TCF7L2: variants seen among roughly 807,000 people sequenced by gnomAD.
The protein encoded by TCF7L2 is transcription factor 7-like 2.
A neutral mutation model predicts 77.9 loss-of-function variants in TCF7L2; 23 were observed. The ratio of observed to expected loss-of-function variants is 0.30; its 90% CI spans 0.21 to 0.42. TCF7L2 has a LOEUF of 0.42. TCF7L2 is among the 10% of genes least tolerant of loss of function. TCF7L2 has a pLI of 1.00. For synonymous variants in TCF7L2, 413 were observed against 340.2 expected (o/e 1.21, Z -2.36); for missense variants, 654 against 793.1 (o/e 0.82, Z 2.11).
At chr10:113,116,106 TTG>T (rs2063700506) in intron 5 of TCF7L2, among the ~76,000 whole-genome samples, 1 of 152,174 alleles carries the variant, frequency 6.6e-6, no homozygotes, top group Non-Finnish European at 1.5e-5. Flanking sequence ...GCAGAAATGT[TTG>T]TCTTAGGAGC....
chr10:113,099,734 C>T (rs772834632), intron 5 of TCF7L2, among the ~76,000 whole-genome samples: 12 of 152,160 alleles, frequency 7.9e-5, no homozygotes, highest in Non-Finnish European at 1.5e-4. Flanking sequence ...TAACAGCCAT[C>T]GCACACATGT....
At position 113,165,835 on chromosome 10, in the gene TCF7L2, C is replaced by T. The variant is rs1033573031; in HGVS notation, c.1672C>T (p.Leu558=). ...CCTCTGTCCCAACGGGGCCCTGGAC[C>T]TGCCCCCAGCCGCTTTGCAGCCTGC... The change falls in exon 14 of 14, where the codon CTG becomes TTG. Residue 558 remains leucine (L), a synonymous_variant. Transcript: ENST00000627217. The T allele has an allele frequency of 3.1e-6, 5 of 1,606,674 alleles. No individual in the cohort carries two copies. Among genetic ancestry groups the T allele is most frequent in the Non-Finnish European group, 4.3e-6 (5 of 1,175,700 alleles).
At chr10:113,125,255 A>C (rs866401747) in intron 5 of TCF7L2, among the ~76,000 whole-genome samples, 4 of 149,306 alleles carry the variant, frequency 2.7e-5, no homozygotes, top group African/African-American at 9.9e-5. Flanking sequence ...AAAAAAAAAA[A>C]GTCGTCTTTT....
At chr10:113,059,247 A>G (rs2055985739) in intron 5 of TCF7L2, among the ~76,000 whole-genome samples, 1 of 152,172 alleles carries the variant, frequency 6.6e-6, no homozygotes, top group Non-Finnish European at 1.5e-5. Context: ...AGGTCACCGT[A>G]GGTACCGGCT....
chr10:113,005,514 C>T (rs533239508), intron 4 of TCF7L2, among the ~76,000 whole-genome samples: 1 of 152,300 alleles, frequency 6.6e-6, no homozygotes, highest in South Asian at 2.1e-4. Flanking sequence ...GACACCCTCT[C>T]CCCTTGATCT....
chr10:112,950,694 T>A lies in TCF7L2; in HGVS notation c.-63T>A, dbSNP rs2030718726. 2.0e-6 allele frequency: 3 copies of A among 1,516,458 alleles called. No homozygotes were observed. The African/African-American group carries it at 4.3e-5, about 22-fold the overall frequency. 93.9% of individuals were successfully genotyped at this position (1,516,458 alleles called of 1,614,324 possible). A position where few individuals can be genotyped will look rare whatever the true frequency, so the allele number is the denominator to read the frequency against. On this transcript the variant is annotated 5_prime_UTR_variant, in exon 1 of 14. Transcript: ENST00000627217. ...GGGGCAAAACTTTTTGGGGGTGATT[T>A]TTTTTGGCTTTTCTTCCTCCTTCAT...
In TCF7L2 at chr10:113,070,269, T is replaced by TTATATATATATATATATATATATA. The variant is rs34181424; in HGVS notation, c.552+30164_552+30165insATATATATATATATATATATATAT. ...GACTCCGTCTTAAAAAAAAAAAAAT[T>TTATATATATATATATATATATATA]TATATATATATATATATATATGAAT... On this transcript the variant is annotated intron_variant, in intron 5 of 13. Coordinates refer to ENST00000627217, the MANE Select transcript of TCF7L2 (RefSeq NM_001146274.2). 4.4e-4 allele frequency among the ~76,000 whole-genome samples: 54 copies of TTATATATATATATATATATATATA among 124,086 alleles called. 1 individual carries two copies. The highest frequency in any genetic ancestry group is 1.6e-3 in the African/African-American group (51 of 32,488). 81.4% of individuals were successfully genotyped at this position (124,086 alleles called of 152,430 possible).
rs2137654218 is a variant in TCF7L2, at chr10:113,165,819, C to A, written c.1656C>A (p.Pro552=). 1 of 1,606,134 alleles carries A rather than the reference C, an allele frequency of 6.2e-7. No homozygotes were observed. The highest frequency in any genetic ancestry group is 8.5e-7 in the Non-Finnish European group (1 of 1,175,434). ...CCCACAAGGCCTCCGCCCTCTGTCC[C>A]AACGGGGCCCTGGACCTGCCCCCAG... The change falls in exon 14 of 14, where the codon CCC becomes CCA. Residue 552 remains proline (P), a synonymous_variant. Transcript: ENST00000627217.
At chr10:112,986,683 G>A (rs1447118460) in intron 4 of TCF7L2, among the ~76,000 whole-genome samples, 1 of 152,138 alleles carries the variant, frequency 6.6e-6, no homozygotes, top group African/African-American at 2.4e-5. Flanking sequence ...TGGTTAAGAG[G>A]ATGTATTAGA....
At chr10:113,117,419 CT>C (rs2063940588) in intron 5 of TCF7L2, among the ~76,000 whole-genome samples, 2 of 46,438 alleles carry the variant, frequency 4.3e-5, no homozygotes, top group Non-Finnish European at 9.1e-5. Flanking sequence ...CTCTCTCTCT[CT>C]CTCTCTCTCT....
chr10:113,058,776 G>T (rs375451269), intron 5 of TCF7L2, among the ~76,000 whole-genome samples: 13 of 152,184 alleles, frequency 8.5e-5, no homozygotes, highest in African/African-American at 3.1e-4. Flanking sequence ...AGAGAGACCC[G>T]CAAGCACAGA....
intron 4 of TCF7L2, among the ~76,000 whole-genome samples, chr10:112,986,051 T>C (rs7097376): frequency 0.026 from 3,962 of 152,144 alleles, 195 homozygotes; most frequent in African/African-American, 0.09. Context: ...AATATTTTCC[T>C]GGGTAATTCT....
chr10:113,117,252 TGTG>T (rs1257557660), intron 5 of TCF7L2, among the ~76,000 whole-genome samples: 1 of 152,190 alleles, frequency 6.6e-6, no homozygotes, highest in Non-Finnish European at 1.5e-5. Flanking sequence ...CTTTTATTAA[TGTG>T]GTACTCGCAC....
intron 5 of TCF7L2, among the ~76,000 whole-genome samples, chr10:113,087,651 C>T (rs970515513): frequency 6.6e-6 from 1 of 151,704 alleles, no homozygotes; most frequent in Admixed American, 6.6e-5. Context: ...GGGTGGAGAA[C>T]GGAGTACTTC....
intron 5 of TCF7L2, among the ~76,000 whole-genome samples, chr10:113,077,309 T>C (rs146549182): frequency 4.0e-4 from 61 of 152,358 alleles, no homozygotes; most frequent in Middle Eastern, 3.4e-3. Context: ...GTGGTAATTA[T>C]GCCAATTTAA....
At chr10:113,063,891 GGC>G (rs1491044066) in intron 5 of TCF7L2, among the ~76,000 whole-genome samples, 2 of 77,170 alleles carry the variant, frequency 2.6e-5, no homozygotes, top group Non-Finnish European at 5.3e-5. Flanking sequence ...ACATGGATGT[GGC>G]GTGTGTGTGT....
intron 8 of TCF7L2, 55 bp downstream of exon 8, chr10:113,146,152 G>T: frequency 6.4e-7 from 1 of 1,561,256 alleles, no homozygotes. Context: ...TTCTCAAGAA[G>T]TTCTCTAGAT....
chr10:113,027,967 G>A (rs12262948), intron 4 of TCF7L2, among the ~76,000 whole-genome samples: 2 of 152,328 alleles, frequency 1.3e-5, no homozygotes, highest in East Asian at 3.9e-4. Context: ...GACGAGAAGC[G>A]TGTGGGCAAA....
At chr10:113,081,062 C>G (rs181210630) in intron 5 of TCF7L2, among the ~76,000 whole-genome samples, 60 of 152,326 alleles carry the variant, frequency 3.9e-4, no homozygotes, top group Non-Finnish European at 6.5e-4. Flanking sequence ...ACCAACACTG[C>G]TTTCTTTTTC....
Sources: allele counts gnomAD v4.1 joint callset (sites outside exome capture counted in the v4.1 genomes callset), GRCh38; gene constraint gnomAD v4.1.1; transcripts MANE v1.5; gene names NCBI Gene and HGNC (gene_info 2026-07-23, HGNC 2026-07-21).